SERPINI1: variants seen among roughly 807,000 people sequenced by gnomAD.
The protein encoded by SERPINI1 is neuroserpin.
SERPINI1 carries 19 observed loss-of-function variants against 41.1 expected under a neutral mutation model. The observed-to-expected ratio is 0.46, with a 90% confidence interval of 0.32 to 0.68. SERPINI1 has a LOEUF of 0.68. Ranked by LOEUF, SERPINI1 falls within the 30% of genes least tolerant of loss-of-function variation. The pLI is 0.03. For synonymous variants in SERPINI1, 138 were observed against 156.6 expected, an observed-to-expected ratio of 0.88 and a Z score of 0.89; for missense variants, 460 against 479.2, an observed-to-expected ratio of 0.96 and a Z score of 0.37.
chr3:167,806,880 T>C (rs997611580), intron 5 of SERPINI1, among the ~76,000 whole-genome samples: 44 of 152,024 alleles, frequency 2.9e-4, no homozygotes, highest in Admixed American at 2.0e-4. Flanking sequence ...AATATATTAC[T>C]ACTAGGTCAA....
intron 1 of SERPINI1, among the ~76,000 whole-genome samples, chr3:167,785,409 G>A (rs137877717): frequency 0.013 from 1,957 of 152,280 alleles, 24 homozygotes; most frequent in Non-Finnish European, 0.018. Context: ...TTACATCCAA[G>A]TCTTTGTTCT....
intron 6 of SERPINI1, among the ~76,000 whole-genome samples, chr3:167,812,221 G>A (rs891679759): frequency 3.3e-5 from 5 of 151,946 alleles, no homozygotes; most frequent in East Asian, 1.9e-4. Flanking sequence ...AAGATTAATC[G>A]CCTTAAAAAC....
chr3:167,792,453 T>C, intron 3 of SERPINI1, 137 bp from the exon 4 acceptor site: 1 of 650,210 alleles, frequency 1.5e-6, no homozygotes, highest in Non-Finnish European at 2.7e-6. Context: ...GGAAGTAAGA[T>C]ACTTTTTATT....
intron 1 of SERPINI1, among the ~76,000 whole-genome samples, chr3:167,744,408 A>G (rs907167337): frequency 6.6e-5 from 10 of 151,222 alleles, no homozygotes; most frequent in African/African-American, 2.4e-4. Context: ...TGAAGCTCTC[A>G]TTTTAACTCC....
chr3:167,798,993 G>A (rs186054716), intron 5 of SERPINI1, among the ~76,000 whole-genome samples: 1 of 152,024 alleles, frequency 6.6e-6, no homozygotes, highest in Admixed American at 6.6e-5. Context: ...AAAATAAAAG[G>A]TTTTTTTAGC....
intron 5 of SERPINI1, among the ~76,000 whole-genome samples, chr3:167,801,599 A>G (rs1003395855): frequency 3.8e-5 from 5 of 130,314 alleles, no homozygotes; most frequent in Non-Finnish European, 6.5e-5. Context: ...TTCTGCAGCC[A>G]GGAGATAATG....
chr3:167,742,791 TCTC>T (rs1340099278), intron 1 of SERPINI1, among the ~76,000 whole-genome samples: 1 of 151,904 alleles, frequency 6.6e-6, no homozygotes, highest in African/African-American at 2.4e-5. Flanking sequence ...TTTTATTTCT[TCTC>T]ATTGTTATCA....
intron 5 of SERPINI1, among the ~76,000 whole-genome samples, chr3:167,806,926 C>T (rs1262293904): frequency 6.6e-6 from 1 of 151,908 alleles, no homozygotes; most frequent in East Asian, 1.9e-4. Context: ...AAGTTTTACT[C>T]AATACTATGA....
At chr3:167,745,073 A>G (rs1725824315) in intron 1 of SERPINI1, among the ~76,000 whole-genome samples, 1 of 151,280 alleles carries the variant, frequency 6.6e-6, no homozygotes, top group African/African-American at 2.4e-5. Context: ...ATTGTATGGC[A>G]AAAGATTAGA....
intron 6 of SERPINI1, among the ~76,000 whole-genome samples, chr3:167,817,812 G>C (rs548962617): frequency 6.6e-6 from 1 of 151,370 alleles, no homozygotes; most frequent in East Asian, 2.0e-4. Flanking sequence ...TGTTAGCCAG[G>C]GTGGTCCCGA....
At position 167,808,112 on chromosome 3, in the gene SERPINI1, C is replaced by T. The variant is rs139863573; in HGVS notation, c.979+771C>T. 9.8e-3 allele frequency among the ~76,000 whole-genome samples: 1,219 copies of T among 124,204 alleles called. 7 individuals carry two copies. Among genetic ancestry groups the T allele is most frequent in the African/African-American group, 0.036 (1,156 of 31,978 alleles). The allele number at this position is 124,204 out of a possible 152,430, so 81.5% of individuals were successfully genotyped here. A position where few individuals can be genotyped will look rare whatever the true frequency, so the allele number is the denominator to read the frequency against. On this transcript the variant is annotated intron_variant, in intron 6 of 8. Transcript: ENST00000446050. Reference sequence around the variant, plus strand: ...CAGCCTGGGCAACAACAGCGAAACTCTGTCTCAAAAAATAGTAATGATAAT... The same window carrying T: ...CAGCCTGGGCAACAACAGCGAAACTTTGTCTCAAAAAATAGTAATGATAAT...
intron 1 of SERPINI1, among the ~76,000 whole-genome samples, chr3:167,777,277 T>G (rs375269867): frequency 6.6e-6 from 1 of 152,228 alleles, no homozygotes; most frequent in East Asian, 1.9e-4. Flanking sequence ...ACAGTCCTCC[T>G]TATCATCTTT....
Position 167,789,175 on chromosome 3 carries a change from C to T in SERPINI1, c.47C>T (p.Ala16Val), listed in dbSNP as rs1329426448. ...LFSLLVLQSM[A>V]TGATFPEEAI... ...TCTTTGCTGGTTCTGCAAAGTATGG[C>T]TACAGGGGCCACTTTCCCTGAGGAA... The change falls in exon 2 of 9, where the codon GCT becomes GTT. Residue 16 changes from alanine (A) to valine (V), a missense_variant. Physicochemically the swap from Ala to Val is moderately conservative, Grantham distance 64 (BLOSUM62 0). Transcript: ENST00000446050. The T allele has an allele frequency of 1.2e-6, 2 of 1,614,110 alleles. No homozygotes were observed. The highest frequency in any genetic ancestry group is 3.3e-5 in the Admixed American group (2 of 60,032).
At chr3:167,818,339 A>C (rs1367498742) in intron 6 of SERPINI1, among the ~76,000 whole-genome samples, 1 of 152,056 alleles carries the variant, frequency 6.6e-6, no homozygotes, top group East Asian at 1.9e-4. Flanking sequence ...AATATTTTGT[A>C]TTTTATTTGT....
intron 3 of SERPINI1, among the ~76,000 whole-genome samples, chr3:167,791,217 C>T (rs1013283895): frequency 2.0e-5 from 3 of 151,670 alleles, no homozygotes; most frequent in Non-Finnish European, 4.4e-5. Flanking sequence ...CCAATTTTAC[C>T]AGCAAAATAA....
chr3:167,824,527 A>G lies in SERPINI1; in HGVS notation c.1121A>G (p.His374Arg). The change falls in exon 8 of 9, where the codon CAT becomes CGT. Residue 374 changes from histidine (H) to arginine (R), a missense_variant. Transcript: ENST00000446050. ...CTGTATCCTCAAGTTATTGTCGACCATCCATTTTTCTTTCTTATCAGAAAC... is the reference window on the plus strand; with the variant it reads ...CTGTATCCTCAAGTTATTGTCGACCGTCCATTTTTCTTTCTTATCAGAAAC... ...AVLYPQVIVD[H>R]PFFFLIRNRR... The G allele has an allele frequency of 1.9e-6, 3 of 1,613,624 alleles. No individual in the cohort carries two copies. The highest frequency in any genetic ancestry group is 2.5e-6 in the Non-Finnish European group (3 of 1,179,718).
At chr3:167,772,864 C>CTCTCTCTCTATA (rs1374013676) in intron 1 of SERPINI1, among the ~76,000 whole-genome samples, 67 of 24,602 alleles carry the variant, frequency 2.7e-3, no homozygotes, top group East Asian at 0.01. Context: ...CTCTCTCTCT[C>CTCTCTCTCTATA]TATATATATA....
intron 3 of SERPINI1, among the ~76,000 whole-genome samples, chr3:167,791,484 A>G (rs895690484): frequency 4.6e-5 from 7 of 152,186 alleles, no homozygotes; most frequent in African/African-American, 2.4e-5. Context: ...TTTTTTATCT[A>G]TGAGATTAAA....
At chr3:167,758,504 C>G (rs1316357123) in intron 1 of SERPINI1, among the ~76,000 whole-genome samples, 1 of 152,142 alleles carries the variant, frequency 6.6e-6, no homozygotes, top group South Asian at 2.1e-4. Flanking sequence ...ATAGAAAAAT[C>G]ACAGTGTGTC....
Sources: gnomAD v4.1 joint callset for allele counts (sites outside exome capture counted in the v4.1 genomes callset) on GRCh38, gnomAD v4.1.1 for gene constraint, MANE v1.5 for transcripts, NCBI Gene and HGNC (gene_info 2026-07-23, HGNC 2026-07-21) for gene names.